The following PAFAH1B2 variants were observed in gnomAD, a reference collection of about 807,000 sequenced individuals.
PAFAH1B2 encodes the protein platelet activating factor acetylhydrolase 1b catalytic subunit 2.
PAFAH1B2 carries 8 observed loss-of-function variants against 28.0 expected under a neutral mutation model. That is an observed-to-expected ratio of 0.29 (90% CI 0.17 to 0.52). The LOEUF (loss-of-function observed/expected upper bound fraction) is 0.52, where lower values mean the gene tolerates loss of function less well. Ranked by LOEUF, PAFAH1B2 falls within the 20% of genes least tolerant of loss-of-function variation. PAFAH1B2 has a pLI of 0.97. For synonymous variants in PAFAH1B2, 104 were observed against 103.2 expected (o/e 1.01, Z -0.05); for missense variants, 190 against 282.6 (o/e 0.67, Z 2.35).
At chr11:117,149,344 A>G (rs946059170) in intron 1 of PAFAH1B2, among the ~76,000 whole-genome samples, 5 of 151,558 alleles carry the variant, frequency 3.3e-5, no homozygotes, top group Non-Finnish European at 5.9e-5. Flanking sequence ...CGGCCTCCCA[A>G]AGTGCTGAGA....
downstream of PAFAH1B2, among the ~76,000 whole-genome samples, chr11:117,172,371 TATATATATATATATATATATA>T (rs1565278652): frequency 3.7e-3 from 11 of 2,982 alleles, 1 homozygote; most frequent in African/African-American, 0.011. Flanking sequence ...TATATATATA[TATATATATATATATATATATA>T]TATATATATA....
At chr11:117,149,033 A>ATTTTTTT (rs71037462) in intron 1 of PAFAH1B2, among the ~76,000 whole-genome samples, 84 of 118,468 alleles carry the variant, frequency 7.1e-4, no homozygotes, top group African/African-American at 8.2e-4. Context: ...ACACCTGCCA[A>ATTTTTTT]TTTTTTTTTT....
chr11:117,154,290 C>T (rs1018829548), intron 2 of PAFAH1B2, among the ~76,000 whole-genome samples: 11 of 151,582 alleles, frequency 7.3e-5, no homozygotes, highest in African/African-American at 2.2e-4. Context: ...GAGTTCAAGA[C>T]GAAGGAAAGG....
chr11:117,163,849 A>G lies in PAFAH1B2; in HGVS notation c.368A>G (p.Gln123Arg), dbSNP rs199926027. Residue 123 changes from glutamine to arginine, a missense_variant, in exon 5 of 6, where the codon CAA (glutamine) becomes CGA (arginine). Transcript: ENST00000527958. ...EVAGGIEAIV[Q>R]LINTRQPQAK... is the part of the protein sequence containing the mutation. ...GCAGGTGGGATCGAGGCCATTGTACAACTTATCAACACAAGGCAGCCACAG... is the reference window on the plus strand; with the variant it reads ...GCAGGTGGGATCGAGGCCATTGTACGACTTATCAACACAAGGCAGCCACAG... 6.2e-7 allele frequency: 1 copy of G among 1,614,086 alleles called. No homozygotes were observed. Among genetic ancestry groups the G allele is most frequent in the African/African-American group, 1.3e-5 (1 of 75,036 alleles).
intron 2 of PAFAH1B2, among the ~76,000 whole-genome samples, chr11:117,156,163 G>A (rs1383473737): frequency 6.6e-6 from 1 of 152,124 alleles, no homozygotes; most frequent in Non-Finnish European, 1.5e-5. Context: ...CTCCACCCTC[G>A]GTGACGGAGC....
chr11:117,146,001 A>G (rs1290986135), intron 1 of PAFAH1B2, among the ~76,000 whole-genome samples: 1 of 152,200 alleles, frequency 6.6e-6, no homozygotes, highest in Non-Finnish European at 1.5e-5. Flanking sequence ...TCGTCTTCCC[A>G]GAGAACTCAC....
At chr11:117,173,783 AAG>A (rs1956722468), downstream of PAFAH1B2, among the ~76,000 whole-genome samples, 1 of 152,216 alleles carries the variant, frequency 6.6e-6, no homozygotes, top group Non-Finnish European at 1.5e-5. Flanking sequence ...TCCTTGCAGG[AAG>A]AGAGATAACC....
chr11:117,165,252 G>A (rs1956479771), intron 5 of PAFAH1B2, among the ~76,000 whole-genome samples: 1 of 150,228 alleles, frequency 6.7e-6, no homozygotes, highest in African/African-American at 2.4e-5. Flanking sequence ...ACGCCTGGCT[G>A]AAGCAGAGAA....
downstream of PAFAH1B2, chr11:117,175,487 A>C: frequency 9.2e-7 from 1 of 1,086,732 alleles, no homozygotes; most frequent in Non-Finnish European, 1.1e-6. Flanking sequence ...TGACGATTCA[A>C]AAGTTAAGTC....
chr11:117,145,487 T>G (rs1227276225), intron 1 of PAFAH1B2, among the ~76,000 whole-genome samples: 1 of 152,210 alleles, frequency 6.6e-6, no homozygotes, highest in Non-Finnish European at 1.5e-5. Flanking sequence ...AGAAAGTGCT[T>G]AATTAAGATT....
At chr11:117,159,778 A>T in intron 2 of PAFAH1B2, 156 bp from the exon 3 acceptor site, 1 of 545,782 alleles carries the variant, frequency 1.8e-6, no homozygotes, top group South Asian at 2.8e-5. Flanking sequence ...TTTTGTAGAG[A>T]TGGGATCTTG....
chr11:117,169,508 C>G lies in PAFAH1B2; in HGVS notation c.*1809C>G. 9.5e-7 allele frequency: 1 copy of G among 1,054,274 alleles called. No individual in the cohort carries two copies. Among genetic ancestry groups the G allele is most frequent in the African/African-American group, 1.7e-5 (1 of 60,570 alleles). The allele number at this position is 1,054,274 out of a possible 1,614,324, so 65.3% of individuals were successfully genotyped here. On this transcript the variant is annotated 3_prime_UTR_variant, in exon 6 of 6. Coordinates refer to ENST00000527958, the MANE Select transcript of PAFAH1B2 (RefSeq NM_002572.4). ...TATGTTGGAGGAGGGCTTACTGATG[C>G]GTGCTAAGACCGATTTCTGATTGAG...
In PAFAH1B2 at chr11:117,169,563, T is replaced by C; in HGVS notation, c.*1864T>C. On this transcript the variant is annotated 3_prime_UTR_variant, in exon 6 of 6. Transcript: ENST00000527958. ...GAACCTTGGGCTCATTTTTTTCTTG[T>C]GAAGTCTCTTTCTAGAAAATTTTTT... 1.0e-5 allele frequency: 11 copies of C among 1,055,344 alleles called. No homozygotes were observed. The highest frequency in any genetic ancestry group is 1.3e-5 in the Non-Finnish European group (11 of 872,930). 65.4% of individuals were successfully genotyped at this position (1,055,344 alleles called of 1,614,324 possible). A position where few individuals can be genotyped will look rare whatever the true frequency, so the allele number is the denominator to read the frequency against.
Position 117,170,975 on chromosome 11 carries a change from A to G in PAFAH1B2, c.*3276A>G. ...GAAGTTTGTGATTTTGCTTTGGCAAAGTTTCATTGACTAGTAGAACTCATT... is the reference window on the plus strand; with the variant it reads ...GAAGTTTGTGATTTTGCTTTGGCAAGGTTTCATTGACTAGTAGAACTCATT... On this transcript the variant is annotated 3_prime_UTR_variant, in exon 6 of 6. Transcript: ENST00000527958. 9.5e-7 allele frequency: 1 copy of G among 1,050,666 alleles called. No individual in the cohort carries two copies. Among genetic ancestry groups the G allele is most frequent in the South Asian group, 4.6e-5 (1 of 21,852 alleles). 65.1% of individuals were successfully genotyped at this position (1,050,666 alleles called of 1,614,324 possible).
chr11:117,173,000 C>T (rs766344660), downstream of PAFAH1B2, among the ~76,000 whole-genome samples: 2 of 152,238 alleles, frequency 1.3e-5, no homozygotes, highest in Non-Finnish European at 2.9e-5. Context: ...ACCGCGGACC[C>T]AGCCGCCTGT....
At chr11:117,158,262 G>T in intron 2 of PAFAH1B2, among the ~76,000 whole-genome samples, 1 of 152,122 alleles carries the variant, frequency 6.6e-6, no homozygotes, top group Non-Finnish European at 1.5e-5. Context: ...GGCTGGTCTC[G>T]AATGCCTGGG....
At chr11:117,149,152 G>GGATT (rs1468843263) in intron 1 of PAFAH1B2, among the ~76,000 whole-genome samples, 1 of 150,082 alleles carries the variant, frequency 6.7e-6, no homozygotes, top group Non-Finnish European at 1.5e-5. Flanking sequence ...CAAAGTGTTA[G>GGATT]GATTACAGGC....
rs1411183048 is a variant in PAFAH1B2, at chr11:117,171,020, A to T, written c.*3321A>T. On this transcript the variant is annotated 3_prime_UTR_variant, in exon 6 of 6. Coordinates refer to ENST00000527958, the MANE Select transcript of PAFAH1B2 (RefSeq NM_002572.4). ...CTCATTCTGTTTTAGTGTATATTTC[A>T]ATATAAATGTAAACATTTTGCTCAA... The T allele has an allele frequency of 3.9e-6, 4 of 1,036,876 alleles. No homozygotes were observed. Among genetic ancestry groups the T allele is most frequent in the Non-Finnish European group, 4.6e-6 (4 of 861,304 alleles). 64.2% of individuals were successfully genotyped at this position (1,036,876 alleles called of 1,614,324 possible).
intron 2 of PAFAH1B2, among the ~76,000 whole-genome samples, chr11:117,156,130 G>T (rs1423629982): frequency 6.6e-6 from 1 of 152,214 alleles, no homozygotes; most frequent in Non-Finnish European, 1.5e-5. Context: ...TGAGACTGTA[G>T]TAAGCTGTGA....
Sources: allele counts gnomAD v4.1 joint callset (sites outside exome capture counted in the v4.1 genomes callset), GRCh38; gene constraint gnomAD v4.1.1; transcripts MANE v1.5; gene names NCBI Gene and HGNC (gene_info 2026-07-23, HGNC 2026-07-21).